Variants in EIF5B observed in about 807,000 individuals in gnomAD.
EIF5B encodes eIF-5B.
A neutral mutation model predicts 147.5 loss-of-function variants in EIF5B; 47 were observed. The observed-to-expected ratio is 0.32, with a 90% CI of 0.25 to 0.41. The LOEUF is 0.41. Among genes scored for constraint, EIF5B ranks in the 10% least tolerant of loss-of-function variants. EIF5B has a pLI of 1.00. For missense variants in EIF5B, 1,064 were observed against 1,413.2 expected (o/e 0.75, Z 3.96); for synonymous variants, 455 against 456.2 (o/e 1.00, Z 0.03).
At chr2:99,390,482 T>C (rs1674901938) in intron 16 of EIF5B, 62 bp from the exon 17 acceptor site, 2 of 1,585,142 alleles carry the variant, frequency 1.3e-6, no homozygotes, top group Non-Finnish European at 1.7e-6. Context: ...TTTACTACTT[T>C]TAGATTTAAT....
chr2:99,399,337 G>A lies in EIF5B; in HGVS notation c.3586G>A (p.Asp1196Asn). Residue 1196 changes from aspartate (D) to asparagine (N), a missense_variant, in exon 24 of 24, where the codon GAC (aspartate) becomes AAC (asparagine). This residue lies in a region of EIF5B where 380 missense variants were observed against 715.6 expected (regional missense o/e 0.53). Coordinates refer to ENST00000289371, the MANE Select transcript of EIF5B (RefSeq NM_015904.4). The part of the protein sequence containing the change: ...ISRQSIDALK[D>N]WFRDEMQKSD... ...CCGGCAGTCCATTGATGCACTCAAA[G>A]ACTGGTTCAGAGATGAAATGCAGAA... The A allele has an allele frequency of 6.2e-7, 1 of 1,614,138 alleles. No individual in the cohort carries two copies. Among genetic ancestry groups the A allele is most frequent in the South Asian group, 1.1e-5 (1 of 91,080 alleles).
At chr2:99,361,849 A>G (rs748639940) in intron 4 of EIF5B, 29 bp downstream of exon 4, 3 of 1,490,878 alleles carry the variant, frequency 2.0e-6, no homozygotes, top group South Asian at 1.5e-5. Flanking sequence ...GGAAAGAGCA[A>G]AAGGCTTTTG....
chr2:99,380,715 G>C (rs1674670474), intron 12 of EIF5B, among the ~76,000 whole-genome samples: 1 of 152,152 alleles, frequency 6.6e-6, no homozygotes, highest in Non-Finnish European at 1.5e-5. Context: ...ATTCCTTATT[G>C]AGTCTTAGTT....
chr2:99,338,170 C>T (rs1277022679), intron 1 of EIF5B: 6 of 376,768 alleles, frequency 1.6e-5, no homozygotes, highest in Non-Finnish European at 2.2e-5. Flanking sequence ...CTTCTTCCGG[C>T]CTGTTTTTTT....
chr2:99,346,359 C>G (rs1007874580), intron 1 of EIF5B, among the ~76,000 whole-genome samples: 7 of 152,054 alleles, frequency 4.6e-5, no homozygotes, highest in African/African-American at 1.7e-4. Flanking sequence ...GAAATCTGGT[C>G]TTGAGAGTGG....
chr2:99,344,493 G>T (rs1438099043), intron 1 of EIF5B, among the ~76,000 whole-genome samples: 1 of 151,668 alleles, frequency 6.6e-6, no homozygotes, highest in East Asian at 1.9e-4. Context: ...CTGGAGTACA[G>T]TGGTGTGATC....
At chr2:99,341,965 G>A (rs1277743980) in intron 1 of EIF5B, among the ~76,000 whole-genome samples, 1 of 152,160 alleles carries the variant, frequency 6.6e-6, no homozygotes, top group Admixed American at 6.5e-5. Context: ...AAAAAGGCTA[G>A]TATCCTCTTA....
At chr2:99,345,959 A>AG (rs60271388) in intron 1 of EIF5B, among the ~76,000 whole-genome samples, 1 of 148,008 alleles carries the variant, frequency 6.8e-6, no homozygotes, top group African/African-American at 2.5e-5. Context: ...AAAAAAAAAA[A>AG]TGTGGTGAAT....
chr2:99,394,123 G>A, intron 18 of EIF5B, 144 bp from the exon 19 acceptor site: 2 of 1,051,652 alleles, frequency 1.9e-6, no homozygotes, highest in Non-Finnish European at 1.3e-6. Flanking sequence ...TTCCAGCACA[G>A]GTTCTGTGAT....
chr2:99,343,096 G>A (rs1205284129), intron 1 of EIF5B, among the ~76,000 whole-genome samples: 3 of 151,798 alleles, frequency 2.0e-5, no homozygotes, highest in Admixed American at 2.0e-4. Context: ...AAGTGGCTGG[G>A]ACTACAGTGC....
chr2:99,371,631 CTT>C (rs761597830), intron 8 of EIF5B, 23 bp from the exon 9 acceptor site: 9 of 1,597,844 alleles, frequency 5.6e-6, no homozygotes, highest in Non-Finnish European at 7.7e-6. Context: ...ATTTTTGTGT[CTT>C]AAATGCAAAT....
intron 6 of EIF5B, among the ~76,000 whole-genome samples, chr2:99,364,631 G>GATAGT (rs1674289904): frequency 6.6e-6 from 1 of 152,218 alleles, no homozygotes. Flanking sequence ...ATATGTAAAT[G>GATAGT]ATAGTATGTC....
intron 3 of EIF5B, among the ~76,000 whole-genome samples, chr2:99,360,804 T>A (rs1047807036): frequency 6.6e-6 from 1 of 152,252 alleles, no homozygotes; most frequent in African/African-American, 2.4e-5. Context: ...CTGTTGTTTC[T>A]TTTTCATCCT....
chr2:99,342,961 T>G (rs1433784644), intron 1 of EIF5B, among the ~76,000 whole-genome samples: 1 of 150,900 alleles, frequency 6.6e-6, no homozygotes, highest in Admixed American at 6.6e-5. Context: ...TCTTTCTTTC[T>G]TTCTTTCTTT....
At chr2:99,368,717 A>C in intron 7 of EIF5B, 126 bp downstream of exon 7, 1 of 688,176 alleles carries the variant, frequency 1.5e-6, no homozygotes, top group Non-Finnish European at 2.5e-6. Context: ...TTATTTTCTA[A>C]ACTTATTTCT....
chr2:99,345,481 C>T (rs1057296521), intron 1 of EIF5B, among the ~76,000 whole-genome samples: 10 of 151,228 alleles, frequency 6.6e-5, no homozygotes, highest in African/African-American at 2.4e-4. Flanking sequence ...ATAATCCCAG[C>T]TACTTGGGAG....
At chr2:99,343,700 G>C (rs1307581724) in intron 1 of EIF5B, among the ~76,000 whole-genome samples, 1 of 151,698 alleles carries the variant, frequency 6.6e-6, no homozygotes, top group East Asian at 2.0e-4. Flanking sequence ...TGTAGTCCCA[G>C]CTACTCGGGA....
At chr2:99,367,443 T>TTC (rs1052703914) in intron 6 of EIF5B, among the ~76,000 whole-genome samples, 9 of 151,246 alleles carry the variant, frequency 6.0e-5, no homozygotes, top group East Asian at 2.0e-4. Flanking sequence ...TTTTTTTTTT[T>TTC]TCTCTCTTTT....
At chr2:99,343,153 A>G (rs1574916332) in intron 1 of EIF5B, among the ~76,000 whole-genome samples, 1 of 151,386 alleles carries the variant, frequency 6.6e-6, no homozygotes, top group East Asian at 1.9e-4. Context: ...ATGCGGTTTC[A>G]CCATGTTGGC....
Sources: allele counts gnomAD v4.1 joint callset (sites outside exome capture counted in the v4.1 genomes callset), GRCh38; gene constraint gnomAD v4.1.1; regional missense constraint gnomAD v4.1.1; transcripts MANE v1.5; gene names NCBI Gene and HGNC (gene_info 2026-07-23, HGNC 2026-07-21).